BHMT: variants seen among roughly 807,000 people sequenced by gnomAD.
The protein encoded by BHMT is betaine--homocysteine S-methyltransferase 1.
A neutral mutation model predicts 49.5 loss-of-function variants in BHMT; 38 were observed. The ratio of observed to expected loss-of-function variants is 0.77; its 90% CI spans 0.59 to 1.01. BHMT has a LOEUF of 1.01. Among genes scored for constraint, BHMT ranks in the 50% least tolerant of loss-of-function variants. The pLI is 0.00. For synonymous variants in BHMT, 166 were observed against 176.3 expected (o/e 0.94, Z 0.46); for missense variants, 426 against 495.7 (o/e 0.86, Z 1.34).
intron 5 of BHMT, among the ~76,000 whole-genome samples, chr5:79,125,000 G>A (rs1580273519): frequency 6.6e-6 from 1 of 152,142 alleles, no homozygotes; most frequent in East Asian, 1.9e-4. Context: ...CTGGTGAAAA[G>A]GAATATTTAT....
chr5:79,115,768 G>T lies in BHMT; in HGVS notation c.35G>T (p.Gly12Val), dbSNP rs1027095099. ...TTCCTCCCTCATCTGTAATTTTAGGGCATCCTAGAACGTTTAAATGCTGGA... is the reference window on the plus strand; with the variant it reads ...TTCCTCCCTCATCTGTAATTTTAGGTCATCCTAGAACGTTTAAATGCTGGA... Reference protein sequence around the residue: ...PPVGGKKAKKGILERLNAGEI... With the variant: ...PPVGGKKAKKVILERLNAGEI... Residue 12 changes from glycine (G) to valine (V), a missense_variant and splice_region_variant, in exon 2 of 8, where the codon GGC becomes GTC. Physicochemically the swap from Gly to Val is moderately radical, Grantham distance 109 (BLOSUM62 -3). Coordinates refer to ENST00000274353, the MANE Select transcript of BHMT (RefSeq NM_001713.3). 5 of 1,597,200 alleles carry T rather than the reference G, an allele frequency of 3.1e-6. No individual in the cohort carries two copies. Among genetic ancestry groups the T allele is most frequent in the Non-Finnish European group, 3.4e-6 (4 of 1,172,302 alleles).
In BHMT at chr5:79,121,024, G is replaced by A. The variant is rs532958402; in HGVS notation, c.478-194G>A. On this transcript the variant is annotated intron_variant, in intron 4 of 7. Transcript: ENST00000274353. ...AAATTAGCCAGGCGTGGTGGCGGGC[G>A]CCTGTAATCCCAGCTACTTGGGAGG... 1.1e-3 allele frequency among the ~76,000 whole-genome samples: 162 copies of A among 152,044 alleles called. 1 individual carries two copies. The highest frequency in any genetic ancestry group is 3.4e-3 in the African/African-American group (141 of 41,446).
At chr5:79,114,409 C>A (rs1756353282) in intron 1 of BHMT, among the ~76,000 whole-genome samples, 1 of 152,070 alleles carries the variant, frequency 6.6e-6, no homozygotes, top group South Asian at 2.1e-4. Flanking sequence ...TCTCTGAGCA[C>A]CAGCTGTCCA....
chr5:79,112,470 T>C (rs1349196938), intron 1 of BHMT, among the ~76,000 whole-genome samples: 1 of 152,138 alleles, frequency 6.6e-6, no homozygotes, highest in African/African-American at 2.4e-5. Flanking sequence ...GGCTCCGACA[T>C]TTCCCGCCTG....
intron 1 of BHMT, 148 bp from the exon 2 acceptor site, chr5:79,115,619 C>T: frequency 1.2e-6 from 1 of 864,898 alleles, no homozygotes; most frequent in Non-Finnish European, 1.7e-6. Flanking sequence ...TATAGATAGC[C>T]ATAAATGTAT....
In BHMT at chr5:79,111,815, G is replaced by C; in HGVS notation, c.-71G>C. 3 of 1,596,618 alleles carry C rather than the reference G, an allele frequency of 1.9e-6. No individual in the cohort carries two copies. Among genetic ancestry groups the C allele is most frequent in the South Asian group, 1.1e-5 (1 of 88,912 alleles). On this transcript the variant is annotated 5_prime_UTR_variant, in exon 1 of 8. Transcript: ENST00000274353. ...CAGGCTGCGGACTCGGAGCAGCTCG[G>C]GGCTGCGCAGCGGGAAGGCTCGCCT...
In BHMT at chr5:79,119,285, A is replaced by G. The variant is rs780528487; in HGVS notation, c.193A>G (p.Arg65Gly). Residue 65 changes from arginine to glycine, a missense_variant, in exon 3 of 8, where the codon AGA becomes GGA. Coordinates refer to ENST00000274353, the MANE Select transcript of BHMT (RefSeq NM_001713.3). Reference protein sequence around the residue: ...AVRQLHREFLRAGSNVMQTFT... With the variant: ...AVRQLHREFLGAGSNVMQTFT... ...TCGCCAGCTTCATCGAGAGTTCCTC[A>G]GAGCTGGCTCAAACGTCATGCAGAC... 1.2e-6 allele frequency: 2 copies of G among 1,613,046 alleles called. No individual in the cohort carries two copies. Among genetic ancestry groups the G allele is most frequent in the South Asian group, 2.2e-5 (2 of 90,824 alleles).
chr5:79,124,979 A>G (rs1285863915), intron 5 of BHMT, among the ~76,000 whole-genome samples: 3 of 152,326 alleles, frequency 2.0e-5, no homozygotes, highest in Non-Finnish European at 1.5e-5. Flanking sequence ...TAATGAACTT[A>G]TTAAGTTGGC....
chr5:79,125,730 G>C (rs545279400), intron 5 of BHMT, among the ~76,000 whole-genome samples: 1 of 151,784 alleles, frequency 6.6e-6, no homozygotes, highest in African/African-American at 2.4e-5. Flanking sequence ...TCAGGAGTTC[G>C]AGACCAGCCT....
Position 79,115,780 on chromosome 5 carries a change from G to T in BHMT, c.47G>T (p.Arg16Leu), listed in dbSNP as rs372541519. ...GKKAKKGILE[R>L]LNAGEIVIGD... Reference sequence around the variant, plus strand: ...CTGTAATTTTAGGGCATCCTAGAACGTTTAAATGCTGGAGAGATTGTGATT... The same window carrying T: ...CTGTAATTTTAGGGCATCCTAGAACTTTTAAATGCTGGAGAGATTGTGATT... The change falls in exon 2 of 8, where the codon CGT becomes CTT. Residue 16 changes from arginine (R) to leucine (L), a missense_variant. By Grantham distance (102) the Arg-to-Leu change is moderately radical (BLOSUM62 -2). Transcript: ENST00000274353. 1 of 1,611,718 alleles carries T rather than the reference G, an allele frequency of 6.2e-7. No homozygotes were observed. Among genetic ancestry groups the T allele is most frequent in the South Asian group, 1.1e-5 (1 of 90,652 alleles).
chr5:79,126,928 C>A (rs1305595457), intron 6 of BHMT, among the ~76,000 whole-genome samples: 1 of 152,096 alleles, frequency 6.6e-6, no homozygotes, highest in Non-Finnish European at 1.5e-5. Context: ...GTCTTTACAC[C>A]CTATCCTATA....
chr5:79,125,994 C>T (rs1417978532), intron 5 of BHMT, 52 bp from the exon 6 acceptor site: 3 of 1,532,152 alleles, frequency 2.0e-6, no homozygotes, highest in Non-Finnish European at 2.7e-6. Context: ...GAGAGCTGGC[C>T]CTGCTGGTTT....
intron 7 of BHMT, 143 bp downstream of exon 7, chr5:79,128,126 A>T: frequency 1.0e-6 from 1 of 994,500 alleles, no homozygotes; most frequent in Non-Finnish European, 1.5e-6. Flanking sequence ...TTTACAAAGC[A>T]TCCTTATTAG....
chr5:79,128,020 T>C, intron 7 of BHMT, 37 bp downstream of exon 7: 3 of 1,570,070 alleles, frequency 1.9e-6, no homozygotes, highest in Non-Finnish European at 2.6e-6. Flanking sequence ...TAATTTAGAT[T>C]ATGAATATGT....
chr5:79,125,233 G>A (rs543360766), intron 5 of BHMT, among the ~76,000 whole-genome samples: 11 of 152,066 alleles, frequency 7.2e-5, no homozygotes, highest in Middle Eastern at 3.4e-3. Flanking sequence ...TGAGCTGGGC[G>A]GATCACAAGG....
At position 79,115,856 on chromosome 5, in the gene BHMT, A is replaced by AGGACCC; in HGVS notation, c.124_129dup (p.Gly42_Pro43dup). ...TGGAGAAGAGGGGCTACGTAAAGGCAGGACCCTGGACTCCTGAAGCTGCTG... is the reference window on the plus strand; with the variant it reads ...TGGAGAAGAGGGGCTACGTAAAGGCAGGACCCGGACCCTGGACTCCTGAAGCTGCTG... On this transcript the variant is annotated inframe_insertion, in exon 2 of 8. Coordinates refer to ENST00000274353, the MANE Select transcript of BHMT (RefSeq NM_001713.3). 1 of 1,614,098 alleles carries AGGACCC rather than the reference A, an allele frequency of 6.2e-7. No homozygotes were observed. Among genetic ancestry groups the AGGACCC allele is most frequent in the Non-Finnish European group, 8.5e-7 (1 of 1,179,994 alleles).
At chr5:79,114,085 G>GTATA (rs60812751) in intron 1 of BHMT, among the ~76,000 whole-genome samples, 49 of 146,044 alleles carry the variant, frequency 3.4e-4, no homozygotes, top group Middle Eastern at 3.6e-3. Context: ...GCTGGCAGTA[G>GTATA]TATATATATA....
At position 79,127,603 on chromosome 5, in the gene BHMT, T is replaced by C. The variant is rs1249120235; in HGVS notation, c.809-152T>C. 8.1e-6 allele frequency: 9 copies of C among 1,109,460 alleles called. No homozygotes were observed. The Admixed American group carries it at 8.6e-5, about 11-fold the overall frequency. The allele number at this position is 1,109,460 out of a possible 1,614,324, so 68.7% of individuals were successfully genotyped here. ...ATACCACAGCATGTAAAAGTGAACA[T>C]ACAACACAAAGTAGCAAAGTTTTTT... On this transcript the variant is annotated intron_variant, in intron 6 of 7. Transcript: ENST00000274353.
At position 79,132,087 on chromosome 5, in the gene BHMT, C is replaced by G. The variant is rs887307423; in HGVS notation, c.*971C>G. Reference sequence around the variant, plus strand: ...CTAGCCTGGTTTCCTAGATTGAGAACTATGATATTTTTCTCTGATAATTTA... The same window carrying G: ...CTAGCCTGGTTTCCTAGATTGAGAAGTATGATATTTTTCTCTGATAATTTA... On this transcript the variant is annotated 3_prime_UTR_variant, in exon 8 of 8. Coordinates refer to ENST00000274353, the MANE Select transcript of BHMT (RefSeq NM_001713.3). The G allele has an allele frequency of 6.6e-6, 1 of 152,144 alleles. No homozygotes were observed. Among genetic ancestry groups the G allele is most frequent in the Non-Finnish European group, 1.5e-5 (1 of 68,030 alleles). 9.4% of individuals were successfully genotyped at this position (152,144 alleles called of 1,614,324 possible).
Sources: gnomAD v4.1 joint callset for allele counts (sites outside exome capture counted in the v4.1 genomes callset) on GRCh38, gnomAD v4.1.1 for gene constraint, MANE v1.5 for transcripts, NCBI Gene and HGNC (gene_info 2026-07-23, HGNC 2026-07-21) for gene names.